GINS1: variants seen among roughly 807,000 people sequenced by gnomAD.
GINS1 encodes the protein DNA replication complex GINS protein PSF1.
Under a neutral mutation model 34.9 loss-of-function variants are expected in GINS1, and 26 were observed. That is an observed-to-expected ratio of 0.74 (90% CI 0.55 to 1.03). The LOEUF (loss-of-function observed/expected upper bound fraction) is 1.03, where lower values mean the gene tolerates loss of function less well. Ranked by LOEUF, GINS1 falls within the 50% of genes least tolerant of loss-of-function variation. GINS1 has a pLI of 0.00. For missense variants in GINS1, 235 were observed against 237.9 expected (o/e 0.99, Z 0.08); for synonymous variants, 97 against 84.4 (o/e 1.15, Z -0.82).
chr20:25,419,962 T>C (rs2146199054), intron 4 of GINS1, among the ~76,000 whole-genome samples: 1 of 150,618 alleles, frequency 6.6e-6, no homozygotes, highest in South Asian at 2.1e-4. Context: ...GCCTGGCGAT[T>C]AATATGTTTC....
intron 5 of GINS1, among the ~76,000 whole-genome samples, chr20:25,434,047 T>C (rs1470436835): frequency 1.3e-5 from 2 of 151,300 alleles, no homozygotes; most frequent in Admixed American, 6.6e-5. Context: ...ACTTTGGGAG[T>C]CCGAGGTGGG....
rs1314139339 is a variant in GINS1 at position 25,447,357 on chromosome 20, T to A, written c.*1366T>A. ...AGCCTATGATCCATTTTGAATGAAT[T>A]TTTTATATGGTGCAAGGTGTCAATC... On this transcript the variant is annotated 3_prime_UTR_variant, in exon 7 of 7. Transcript: ENST00000262460. The A allele has an allele frequency of 6.6e-6, 1 of 152,116 alleles. No individual in the cohort carries two copies. The highest frequency in any genetic ancestry group is 2.4e-5 in the African/African-American group (1 of 41,442). The allele number at this position is 152,116 out of a possible 1,614,324, so 9.4% of individuals were successfully genotyped here.
Position 25,418,088 on chromosome 20 carries a change from C to T in GINS1, c.240-17C>T, listed in dbSNP as rs1405360372. 7.0e-7 allele frequency: 1 copy of T among 1,434,774 alleles called. No individual in the cohort carries two copies. The highest frequency in any genetic ancestry group is 1.4e-5 in the African/African-American group (1 of 71,790). The allele number at this position is 1,434,774 out of a possible 1,614,324, so 88.9% of individuals were successfully genotyped here. A position where few individuals can be genotyped will look rare whatever the true frequency, so the allele number is the denominator to read the frequency against. On this transcript the variant is annotated splice_polypyrimidine_tract_variant and intron_variant, in intron 3 of 6. Coordinates refer to ENST00000262460, the MANE Select transcript of GINS1 (RefSeq NM_021067.5). ...CCGTTTATTCTTATGCCACCCAATA[C>T]CTTCTTGATGTCCTAGGTATGACCG... is the stretch of plus-strand genomic sequence containing the variant.
At chr20:25,425,526 G>A (rs1419619379) in intron 5 of GINS1, among the ~76,000 whole-genome samples, 199 bp downstream of exon 5, 3 of 152,172 alleles carry the variant, frequency 2.0e-5, no homozygotes, top group Admixed American at 2.0e-4. Flanking sequence ...TGTTTTAATA[G>A]TTTTGAGTAT....
chr20:25,447,357 T>C lies in GINS1; in HGVS notation c.*1366T>C, dbSNP rs1314139339. On this transcript the variant is annotated 3_prime_UTR_variant, in exon 7 of 7. Transcript: ENST00000262460. The stretch of plus-strand genomic sequence containing the variant: ...AGCCTATGATCCATTTTGAATGAAT[T>C]TTTTATATGGTGCAAGGTGTCAATC... 1.3e-5 allele frequency: 2 copies of C among 152,116 alleles called. No homozygotes were observed. Among genetic ancestry groups the C allele is most frequent in the Non-Finnish European group, 2.9e-5 (2 of 68,022 alleles). 9.4% of individuals were successfully genotyped at this position (152,116 alleles called of 1,614,324 possible).
rs1054700731 is a variant in GINS1, at chr20:25,448,549, C to T, written c.*2558C>T. The T allele has an allele frequency of 1.3e-5, 2 of 152,194 alleles. No homozygotes were observed. The highest frequency in any genetic ancestry group is 2.4e-5 in the African/African-American group (1 of 41,442). 9.4% of individuals were successfully genotyped at this position (152,194 alleles called of 1,614,324 possible). Reference sequence around the variant, plus strand: ...TGTGTTCTATGAATAAAGAGTTTTACTCCTTCCTTTCTAATCTGAATGCCT... The same window carrying T: ...TGTGTTCTATGAATAAAGAGTTTTATTCCTTCCTTTCTAATCTGAATGCCT... On this transcript the variant is annotated 3_prime_UTR_variant, in exon 7 of 7. Coordinates refer to ENST00000262460, the MANE Select transcript of GINS1 (RefSeq NM_021067.5).
At chr20:25,441,430 AGGGGAAGGAGG>A (rs1418277155) in intron 5 of GINS1, among the ~76,000 whole-genome samples, 1 of 152,154 alleles carries the variant, frequency 6.6e-6, no homozygotes, top group Non-Finnish European at 1.5e-5. Context: ...AGGATTTCAG[AGGGGAAGGAGG>A]CAACATCGTT....
Position 25,441,758 on chromosome 20 carries a change from A to G in GINS1, c.504A>G (p.Leu168=), listed in dbSNP as rs746803614. ...AAGTTGATGATGGCACTTCAGTCCT[A>G]TTAAAAAAAAATAGCCAGGTATTTC... The part of the protein sequence containing the change: ...EFEVDDGTSV[L]LKKNSQHFLP... The change falls in exon 6 of 7, where the codon CTA becomes CTG. Residue 168 remains leucine (L), a synonymous_variant. Coordinates refer to ENST00000262460, the MANE Select transcript of GINS1 (RefSeq NM_021067.5). 4 of 1,545,642 alleles carry G rather than the reference A, an allele frequency of 2.6e-6. No homozygotes were observed. Among genetic ancestry groups the G allele is most frequent in the Non-Finnish European group, 3.6e-6 (4 of 1,125,212 alleles).
At chr20:25,427,869 A>ATTTTTTTT (rs11411051) in intron 5 of GINS1, among the ~76,000 whole-genome samples, 2 of 94,286 alleles carry the variant, frequency 2.1e-5, no homozygotes, top group African/African-American at 8.7e-5. Flanking sequence ...CCAGTTCGTC[A>ATTTTTTTT]TTTTTTTTTT....
intron 4 of GINS1, among the ~76,000 whole-genome samples, chr20:25,422,413 A>G (rs2090360979): frequency 6.6e-6 from 1 of 151,776 alleles, no homozygotes; most frequent in Non-Finnish European, 1.5e-5. Context: ...ATCTCTACCA[A>G]AAAAAGAAAA....
chr20:25,442,338 ATCTGTCTG>A (rs56170743), intron 6 of GINS1, among the ~76,000 whole-genome samples: 37,745 of 149,222 alleles, frequency 0.25, 5,755 homozygotes, highest in East Asian at 0.79. Flanking sequence ...CTATCTATCT[ATCTGTCTG>A]TCTGTCTGTC....
chr20:25,432,586 C>T (rs1169291037), intron 5 of GINS1, among the ~76,000 whole-genome samples: 1 of 152,088 alleles, frequency 6.6e-6, no homozygotes, highest in African/African-American at 2.4e-5. Flanking sequence ...CCTGCCTCAG[C>T]CTCCCGAGTA....
intron 5 of GINS1, among the ~76,000 whole-genome samples, chr20:25,435,406 C>A (rs2090448595): frequency 6.6e-6 from 1 of 152,092 alleles, no homozygotes; most frequent in Admixed American, 6.5e-5. Flanking sequence ...TGAAGCAATC[C>A]ACCTCAGCCT....
At chr20:25,445,656 A>AT (rs1406427342) in intron 6 of GINS1, among the ~76,000 whole-genome samples, 1 of 151,926 alleles carries the variant, frequency 6.6e-6, no homozygotes, top group African/African-American at 2.4e-5. Context: ...CCAACTTTGT[A>AT]TTTTTTAGTA....
chr20:25,416,440 G>T (rs1480327223), intron 2 of GINS1, among the ~76,000 whole-genome samples: 1 of 152,120 alleles, frequency 6.6e-6, no homozygotes, highest in Non-Finnish European at 1.5e-5. Context: ...CTAGCACAGT[G>T]CCTGGCATAG....
chr20:25,428,781 C>G (rs2090408270), intron 5 of GINS1, among the ~76,000 whole-genome samples: 1 of 152,010 alleles, frequency 6.6e-6, no homozygotes, highest in Non-Finnish European at 1.5e-5. Flanking sequence ...AATCATTTGA[C>G]TATGTAGGCA....
In GINS1 at chr20:25,417,123, G is replaced by A. The variant is rs200137375; in HGVS notation, c.160G>A (p.Gly54Arg). The A allele has an allele frequency of 6.4e-6, 10 of 1,571,040 alleles. No individual in the cohort carries two copies. Among genetic ancestry groups the A allele is most frequent in the Non-Finnish European group, 8.8e-6 (10 of 1,142,154 alleles). The change falls in exon 3 of 7, where the codon GGA becomes AGA. Residue 54 changes from glycine (G) to arginine (R), a missense_variant. Physicochemically the swap from Gly to Arg is moderately radical, Grantham distance 125. Transcript: ENST00000262460. The part of the protein sequence containing the change: ...QSDVNEAKSG[G>R]RSDLIPTIKF... ...TATCAGGAATGAAGCAAAGTCAGGT[G>A]GACGAAGTGATTTGATACCAACTAT...
chr20:25,415,581 A>G (rs1033123340), intron 2 of GINS1, among the ~76,000 whole-genome samples: 2 of 149,450 alleles, frequency 1.3e-5, no homozygotes, highest in African/African-American at 5.0e-5. Flanking sequence ...GCTACTCCGG[A>G]GGTTGAGGCA....
chr20:25,430,665 C>T (rs574034030), intron 5 of GINS1, among the ~76,000 whole-genome samples: 107 of 152,162 alleles, frequency 7.0e-4, no homozygotes, highest in Non-Finnish European at 1.3e-3. Flanking sequence ...CAAGTAGCTG[C>T]GATTACAGGC....
Sources: gnomAD v4.1 joint callset for allele counts (sites outside exome capture counted in the v4.1 genomes callset) on GRCh38, gnomAD v4.1.1 for gene constraint, MANE v1.5 for transcripts, NCBI Gene and HGNC (gene_info 2026-07-23, HGNC 2026-07-21) for gene names.